Variants in TMEM80 observed in about 807,000 individuals in gnomAD.
TMEM80 encodes transmembrane protein 80.
Under a neutral mutation model 13.6 loss-of-function variants are expected in TMEM80, and 16 were observed. That is an observed-to-expected ratio of 1.17 (90% CI 0.79 to 1.78). TMEM80 has a LOEUF of 1.78. Ranked by LOEUF, TMEM80 falls within the 40% of genes most tolerant of loss-of-function variation. The probability of loss-of-function intolerance (pLI) is 0.00; values close to 1 mark genes in which losing one functional copy is unlikely to be tolerated. For missense variants in TMEM80, 167 were observed against 184.6 expected, an observed-to-expected ratio of 0.90 and a Z score of 0.55; for synonymous variants, 92 against 89.5, an observed-to-expected ratio of 1.03 and a Z score of -0.16.
At chr11:704,588 A>T (rs1431985479), downstream of TMEM80, 27 of 1,278,834 alleles carry the variant, frequency 2.1e-5, no homozygotes, top group Non-Finnish European at 2.4e-5. Flanking sequence ...CCCACAAACC[A>T]TGCAGACCAG....
chr11:703,162 C>A lies in TMEM80; in HGVS notation c.*12C>A. On this transcript the variant is annotated 3_prime_UTR_variant, in exon 5 of 5. Coordinates refer to ENST00000397510, the MANE Select transcript of TMEM80 (RefSeq NM_001042463.3). The stretch of plus-strand genomic sequence containing the variant: ...CCTTCACCAGGTAGCTACGGACACC[C>A]GGGATACCCCACACTGGGGCCCTCC... The A allele has an allele frequency of 1.9e-6, 3 of 1,594,274 alleles. No homozygotes were observed. Among genetic ancestry groups the A allele is most frequent in the Non-Finnish European group, 2.6e-6 (3 of 1,166,576 alleles).
Position 703,464 on chromosome 11 carries a change from A to C in TMEM80, c.*314A>C. 2 of 1,260,250 alleles carry C rather than the reference A, an allele frequency of 1.6e-6. No individual in the cohort carries two copies. The highest frequency in any genetic ancestry group is 1.0e-6 in the Non-Finnish European group (1 of 1,004,974). 78.1% of individuals were successfully genotyped at this position (1,260,250 alleles called of 1,614,324 possible). ...GGCTTTAGCAGCCAGGCCTCCACAGACCCCCATGGGCCCCCAGGGCCGAGA... is the reference window on the plus strand; with the variant it reads ...GGCTTTAGCAGCCAGGCCTCCACAGCCCCCCATGGGCCCCCAGGGCCGAGA... On this transcript the variant is annotated 3_prime_UTR_variant, in exon 5 of 5. Transcript: ENST00000397510.
intron 1 of TMEM80, among the ~76,000 whole-genome samples, chr11:698,207 T>A (rs956865706): frequency 1.3e-5 from 2 of 151,874 alleles, no homozygotes; most frequent in African/African-American, 2.4e-5. Context: ...TCAGCGTGGA[T>A]CCAGGGTGAG....
intron 1 of TMEM80, among the ~76,000 whole-genome samples, chr11:698,668 G>A (rs1398933169): frequency 2.6e-5 from 4 of 152,144 alleles, no homozygotes; most frequent in Non-Finnish European, 5.9e-5. Flanking sequence ...CTGAAAGGCA[G>A]AGACTCCTAG....
chr11:703,037 C>T lies in TMEM80; in HGVS notation c.319C>T (p.Leu107Phe). Residue 107 changes from leucine to phenylalanine, a missense_variant, in exon 5 of 5, where the codon CTT becomes TTT. Physicochemically the swap from Leu to Phe is conservative, Grantham distance 22. Coordinates refer to ENST00000397510, the MANE Select transcript of TMEM80 (RefSeq NM_001042463.3). Reference sequence around the variant, plus strand: ...CGCCCTCCTCTCTGCCCACTTCCTGCTTTGGCAGGCCCTAGTGTTGTGGGC... The same window carrying T: ...CGCCCTCCTCTCTGCCCACTTCCTGTTTTGGCAGGCCCTAGTGTTGTGGGC... ...GTALLSAHFL[L>F]WQALVLWADW... is the part of the protein sequence containing the mutation. The T allele has an allele frequency of 6.2e-7, 1 of 1,612,832 alleles. No homozygotes were observed. Among genetic ancestry groups the T allele is most frequent in the Non-Finnish European group, 8.5e-7 (1 of 1,179,862 alleles).
intron 2 of TMEM80, 50 bp from the exon 3 acceptor site, chr11:700,092 G>T (rs1373999190): frequency 1.3e-6 from 2 of 1,529,454 alleles, no homozygotes; most frequent in South Asian, 1.1e-5. Flanking sequence ...AGCCACCTGG[G>T]AGGCTGCTCC....
Position 700,626 on chromosome 11 carries a change from A to C in TMEM80, c.145A>C (p.Ser49Arg), listed in dbSNP as rs781760079. The change falls in exon 4 of 5, where the codon AGC becomes CGC. Residue 49 changes from serine (S) to arginine (R), a missense_variant. Ser to Arg is a moderately radical substitution (Grantham distance 110). Coordinates refer to ENST00000397510, the MANE Select transcript of TMEM80 (RefSeq NM_001042463.3). ...CCTCTGCTCTTCAGGTCAGGTGTTC[A>C]GCTATCCTCACCGCTACCTGGTCCT... ...LMITYKSQVFSYPHRYLVLDL... is the reference protein window; with the variant it reads ...LMITYKSQVFRYPHRYLVLDL... 5.6e-6 allele frequency: 9 copies of C among 1,613,688 alleles called. No individual in the cohort carries two copies. The highest frequency in any genetic ancestry group is 6.8e-6 in the Non-Finnish European group (8 of 1,180,004).
chr11:697,535 G>A (rs1004536664), intron 1 of TMEM80: 3 of 152,146 alleles, frequency 2.0e-5, no homozygotes, highest in Non-Finnish European at 4.4e-5. Flanking sequence ...ATCACTTAAG[G>A]CTTTTATACA....
chr11:699,762 A>T (rs1194649773), intron 2 of TMEM80: 1 of 184,148 alleles, frequency 5.4e-6, no homozygotes, highest in Admixed American at 5.6e-5. Context: ...AAAAAAAAAA[A>T]GAAAATGACA....
At chr11:698,124 C>T (rs1248701445) in intron 1 of TMEM80, 3 of 152,472 alleles carry the variant, frequency 2.0e-5, no homozygotes, top group Admixed American at 2.0e-4. Context: ...GAGGTATCTA[C>T]ACATGGAGGG....
At chr11:695,690 G>A, upstream of TMEM80, 1 of 1,243,308 alleles carries the variant, frequency 8.0e-7, no homozygotes, top group Non-Finnish European at 1.0e-6. Flanking sequence ...GGCCTCGGCC[G>A]TGGCTCGGAC....
downstream of TMEM80, chr11:704,249 C>T (rs1307651523): frequency 2.5e-6 from 2 of 785,254 alleles, no homozygotes; most frequent in Non-Finnish European, 3.5e-6. Flanking sequence ...CCCTGGCTGC[C>T]GGGCGCCTTC....
At chr11:701,441 C>T (rs568235619) in intron 4 of TMEM80, among the ~76,000 whole-genome samples, 43 of 129,724 alleles carry the variant, frequency 3.3e-4, no homozygotes, top group African/African-American at 8.7e-4. Context: ...GACAGAGTCT[C>T]GCTCTGTCGC....
intron 4 of TMEM80, chr11:701,115 G>A (rs903326508): frequency 1.4e-5 from 3 of 218,444 alleles, no homozygotes; most frequent in Non-Finnish European, 2.8e-5. Flanking sequence ...AGCAGAGTCT[G>A]GAGGGGTGGG....
chr11:698,427 GTC>G (rs755772169), intron 1 of TMEM80, among the ~76,000 whole-genome samples: 7 of 152,342 alleles, frequency 4.6e-5, no homozygotes, highest in South Asian at 2.1e-4. Context: ...GAAAGCAAAT[GTC>G]TCATCAATCA....
chr11:697,029 T>A (rs1015499876), intron 1 of TMEM80, among the ~76,000 whole-genome samples: 2 of 131,466 alleles, frequency 1.5e-5, no homozygotes, highest in Non-Finnish European at 1.6e-5. Flanking sequence ...GGGGGTGGGG[T>A]GCGGAGGTTG....
upstream of TMEM80, chr11:695,810 G>C: frequency 8.1e-7 from 1 of 1,232,458 alleles, no homozygotes; most frequent in East Asian, 3.2e-5. Flanking sequence ...CGACGGACCG[G>C]CGGGCGGGGC....
At chr11:701,561 C>A (rs1861481191) in intron 4 of TMEM80, among the ~76,000 whole-genome samples, 1 of 152,096 alleles carries the variant, frequency 6.6e-6, no homozygotes, top group African/African-American at 2.4e-5. Flanking sequence ...CAGGTGCCCG[C>A]CACCACGCCC....
chr11:702,836 C>T (rs144092442), intron 4 of TMEM80, 109 bp from the exon 5 acceptor site: 11,610 of 1,087,258 alleles, frequency 0.011, 90 homozygotes, highest in Non-Finnish European at 0.013. Context: ...CCCGGAGGAA[C>T]GTAGGGCAAG....
Sources: allele counts gnomAD v4.1 joint callset (sites outside exome capture counted in the v4.1 genomes callset), GRCh38; gene constraint gnomAD v4.1.1; transcripts MANE v1.5; gene names NCBI Gene and HGNC (gene_info 2026-07-23, HGNC 2026-07-21).